Variants in FZR1 observed in about 807,000 individuals in gnomAD.
The protein encoded by FZR1 is fizzy and cell division cycle 20 related 1.
In FZR1, 11 loss-of-function variants were observed where a neutral mutation model predicts 63.6. The observed-to-expected ratio is 0.17, with a 90% confidence interval of 0.11 to 0.29. The LOEUF is 0.29. FZR1 is among the 10% of genes least tolerant of loss of function. The pLI is 1.00. For synonymous variants in FZR1, 328 were observed against 297.9 expected (o/e 1.10, Z -1.04); for missense variants, 440 against 687.5 (o/e 0.64, Z 4.03).
chr19:3,533,265 C>G lies in FZR1; in HGVS notation c.1243-29C>G. 7.1e-7 allele frequency: 1 copy of G among 1,414,642 alleles called. No individual in the cohort carries two copies. The highest frequency in any genetic ancestry group is 1.0e-6 in the Non-Finnish European group (1 of 1,000,592). 87.6% of individuals were successfully genotyped at this position (1,414,642 alleles called of 1,614,324 possible). On this transcript the variant is annotated intron_variant, in intron 11 of 13. Coordinates refer to ENST00000441788, the MANE Select transcript of FZR1 (RefSeq NM_016263.4). This position sits in a 1 kb window ranked among gnomAD's most constrained non-coding sequence, Gnocchi z 4.9. The stretch of plus-strand genomic sequence containing the variant: ...TAGCACCCGGCCTCGTTGCCCCTCA[C>G]CGACCGCAGCGCCCCCTCCGCCCTC...
intron 1 of FZR1, among the ~76,000 whole-genome samples, chr19:3,508,867 A>G (rs1206975666): frequency 6.6e-6 from 1 of 152,190 alleles, no homozygotes; most frequent in African/African-American, 2.4e-5. Flanking sequence ...GCCTGTCCCC[A>G]ATGTCTGGAC....
At chr19:3,522,805 A>C (rs937009422) in intron 1 of FZR1, among the ~76,000 whole-genome samples, 151 bp from the exon 2 acceptor site, 3 of 152,028 alleles carry the variant, frequency 2.0e-5, no homozygotes, top group Non-Finnish European at 2.9e-5. Flanking sequence ...CTCACCTAGG[A>C]TGAGGCTAGG....
intron 7 of FZR1, 138 bp from the exon 8 acceptor site, chr19:3,530,654 G>GTGGATGGGAGAGTGGATGAGAT: frequency 4.5e-6 from 3 of 660,924 alleles, no homozygotes; most frequent in Admixed American, 2.4e-5. Context: ...GGATGGGACT[G>GTGGATGGGAGAGTGGATGAGAT]TGGATGGGAG....
In FZR1 at chr19:3,524,194, C is replaced by G. The variant is rs549306493; in HGVS notation, c.69+1136C>G. On this transcript the variant is annotated intron_variant, in intron 2 of 13. Transcript: ENST00000441788. ...CAGCCCTAGTGCCGACCCTCGGTCT[C>G]CAGAGCACTCTCGGGGCTGCCAGGA... Among the ~76,000 whole-genome samples the G allele has an allele frequency of 1.1e-3, 175 of 152,294 alleles. 1 individual carries two copies. Among genetic ancestry groups the G allele is most frequent in the African/African-American group, 4.1e-3 (172 of 41,572 alleles).
intron 7 of FZR1, among the ~76,000 whole-genome samples, chr19:3,529,716 A>ATGGGAGAGCGGATGGGAGAGCGGT (rs2083213403): frequency 7.1e-6 from 1 of 140,144 alleles, no homozygotes; most frequent in African/African-American, 2.8e-5. Flanking sequence ...GGGAGAGCGG[A>ATGGGAGAGCGGATGGGAGAGCGGT]TGGGAGAGTG....
intron 8 of FZR1, 114 bp from the exon 9 acceptor site, chr19:3,531,600 G>A (rs2122015118): frequency 1.4e-6 from 1 of 704,358 alleles, no homozygotes; most frequent in Non-Finnish European, 2.4e-6. Context: ...GAGTCGTTAG[G>A]GAAACCGTCC....
intron 1 of FZR1, among the ~76,000 whole-genome samples, chr19:3,513,540 C>T (rs1371237952): frequency 1.3e-5 from 2 of 152,194 alleles, no homozygotes; most frequent in Non-Finnish European, 2.9e-5. Context: ...GATGCAATGG[C>T]GCCTGCCCAC....
chr19:3,519,778 A>G (rs2083084895), intron 1 of FZR1, among the ~76,000 whole-genome samples: 2 of 152,182 alleles, frequency 1.3e-5, no homozygotes, highest in Admixed American at 6.5e-5. Flanking sequence ...TTCATGCCAC[A>G]GTACTGCCTT....
chr19:3,527,252 C>T (rs2083169607), intron 6 of FZR1, among the ~76,000 whole-genome samples, 190 bp downstream of exon 6: 1 of 152,142 alleles, frequency 6.6e-6, no homozygotes, highest in African/African-American at 2.4e-5. Flanking sequence ...GTGGAGGGGC[C>T]CCAGCCCCCC....
Position 3,536,931 on chromosome 19 carries a change from C to T in FZR1, c.*2095C>T, listed in dbSNP as rs1319355924. ...CCGCAGAGACGCCTCCCAGGCCCGT[C>T]TGCCAGGGCGCCGGCCACAATCCTG... is the stretch of plus-strand genomic sequence containing the variant. On this transcript the variant is annotated 3_prime_UTR_variant, in exon 14 of 14. Transcript: ENST00000441788. 1 of 152,266 alleles carries T rather than the reference C, an allele frequency of 6.6e-6. No individual in the cohort carries two copies. Among genetic ancestry groups the T allele is most frequent in the Non-Finnish European group, 1.5e-5 (1 of 68,076 alleles). The allele number at this position is 152,266 out of a possible 1,614,324, so 9.4% of individuals were successfully genotyped here.
At chr19:3,519,059 G>A (rs1396746091) in intron 1 of FZR1, among the ~76,000 whole-genome samples, 2 of 152,254 alleles carry the variant, frequency 1.3e-5, no homozygotes, top group Non-Finnish European at 2.9e-5. Flanking sequence ...TCCAACACAG[G>A]ATGGGGCTGT....
rs913625687 is a variant in FZR1, at chr19:3,536,115, C to G, written c.*1279C>G. 6.6e-6 allele frequency: 1 copy of G among 152,274 alleles called. No homozygotes were observed. The highest frequency in any genetic ancestry group is 2.4e-5 in the African/African-American group (1 of 41,456). 9.4% of individuals were successfully genotyped at this position (152,274 alleles called of 1,614,324 possible). ...CTTGGGAACCCCCACTCCCCACTCC[C>G]CACATCCCAACATCCTGGTGTCTGT... On this transcript the variant is annotated 3_prime_UTR_variant, in exon 14 of 14. Coordinates refer to ENST00000441788, the MANE Select transcript of FZR1 (RefSeq NM_016263.4).
intron 12 of FZR1, 50 bp from the exon 13 acceptor site, chr19:3,534,371 C>T (rs768056893): frequency 7.6e-6 from 8 of 1,052,384 alleles, no homozygotes; most frequent in East Asian, 7.5e-5. Context: ...AGCACTGTCC[C>T]GAGGCACCTA....
Position 3,506,482 on chromosome 19 carries a change from G to C in FZR1, c.-35+8G>C, listed in dbSNP as rs991653622. 4 of 151,582 alleles carry C rather than the reference G, an allele frequency of 2.6e-5. No homozygotes were observed. The highest frequency in any genetic ancestry group is 9.7e-5 in the African/African-American group (4 of 41,296). The allele number at this position is 151,582 out of a possible 1,614,324, so 9.4% of individuals were successfully genotyped here. On this transcript the variant is annotated splice_region_variant and intron_variant, in intron 1 of 13. Coordinates refer to ENST00000441788, the MANE Select transcript of FZR1 (RefSeq NM_016263.4). Reference sequence around the variant, plus strand: ...GCCACGGGAGCGAGCCAGGTGAGGCGGCCGGGGTCGGGGACCCGCCCCCCG... The same window carrying C: ...GCCACGGGAGCGAGCCAGGTGAGGCCGCCGGGGTCGGGGACCCGCCCCCCG...
chr19:3,509,534 G>GT, intron 1 of FZR1, among the ~76,000 whole-genome samples: 1 of 152,284 alleles, frequency 6.6e-6, no homozygotes, highest in East Asian at 1.9e-4. Flanking sequence ...CAGTTCCCTG[G>GT]TTTTTATATG....
chr19:3,534,895 C>G lies in FZR1; in HGVS notation c.*59C>G, dbSNP rs1336985626. ...CCAGAGTCGGAGGACCCCAGCTCCT[C>G]AGCTTGCATGGACTCTGCCTTCCCA... On this transcript the variant is annotated 3_prime_UTR_variant, in exon 14 of 14. Coordinates refer to ENST00000441788, the MANE Select transcript of FZR1 (RefSeq NM_016263.4). 1 of 1,357,394 alleles carries G rather than the reference C, an allele frequency of 7.4e-7. No homozygotes were observed. The highest frequency in any genetic ancestry group is 1.4e-5 in the African/African-American group (1 of 70,314). The allele number at this position is 1,357,394 out of a possible 1,614,324, so 84.1% of individuals were successfully genotyped here. A position where few individuals can be genotyped will look rare whatever the true frequency, so the allele number is the denominator to read the frequency against.
chr19:3,523,929 C>A (rs1013305305), intron 2 of FZR1, among the ~76,000 whole-genome samples: 29 of 152,342 alleles, frequency 1.9e-4, no homozygotes, highest in African/African-American at 6.3e-4. Flanking sequence ...CCACCACAGC[C>A]GCCTTCTCCC....
At chr19:3,523,620 C>G (rs1369178081) in intron 2 of FZR1, among the ~76,000 whole-genome samples, 1 of 152,246 alleles carries the variant, frequency 6.6e-6, no homozygotes, top group African/African-American at 2.4e-5. Flanking sequence ...AACATGAAGC[C>G]TGGGTCGGAA....
At chr19:3,520,564 C>T (rs3760999) in intron 1 of FZR1, among the ~76,000 whole-genome samples, 37,977 of 152,210 alleles carry the variant, frequency 0.25, 6,806 homozygotes, top group East Asian at 0.82. Flanking sequence ...CGAAAACCCA[C>T]TACCACAGGA....
Sources: gnomAD v4.1 joint callset for allele counts (sites outside exome capture counted in the v4.1 genomes callset) on GRCh38, gnomAD v4.1.1 for gene constraint, Gnocchi (gnomAD v3.1) non-coding constraint, MANE v1.5 for transcripts, NCBI Gene and HGNC (gene_info 2026-07-23, HGNC 2026-07-21) for gene names.